KAZN: variants seen among roughly 807,000 people sequenced by gnomAD.
The protein encoded by KAZN is kazrin.
KAZN carries 40 observed loss-of-function variants against 87.4 expected under a neutral mutation model. The ratio of observed to expected loss-of-function variants is 0.46; its 90% CI spans 0.36 to 0.60. KAZN has a LOEUF of 0.60. KAZN is among the 20% of genes least tolerant of loss of function. The pLI is 0.00. For synonymous variants in KAZN, 466 were observed against 458.3 expected, an observed-to-expected ratio of 1.02 and a Z score of -0.22; for missense variants, 898 against 1,073.9, an observed-to-expected ratio of 0.84 and a Z score of 2.29.
chr1:14,745,355 G>A (rs532769782), intron 1 of KAZN, among the ~76,000 whole-genome samples: 9 of 151,916 alleles, frequency 5.9e-5, no homozygotes, highest in East Asian at 3.9e-4. Flanking sequence ...AAAATAGATA[G>A]GAATGATAGT....
intron 1 of KAZN, among the ~76,000 whole-genome samples, chr1:14,629,197 T>A (rs930084584): frequency 1.3e-5 from 2 of 152,112 alleles, no homozygotes; most frequent in Non-Finnish European, 2.9e-5. Flanking sequence ...AGGGGGAGGA[T>A]GGAGTGTCTT....
chr1:14,134,967 CCG>C (rs746983782), intron 1 of KAZN, among the ~76,000 whole-genome samples: 974 of 56,412 alleles, frequency 0.017, 9 homozygotes, highest in South Asian at 0.11. Context: ...GCATATGCAC[CCG>C]CACACACACA....
At chr1:14,481,799 A>C (rs1051843478) in intron 2 of KAZN, among the ~76,000 whole-genome samples, 1 of 152,132 alleles carries the variant, frequency 6.6e-6, no homozygotes, top group African/African-American at 2.4e-5. Context: ...AGAAGAGAGG[A>C]TGCTGGAGAT....
chr1:14,180,327 C>G, intron 1 of KAZN: 1 of 920,272 alleles, frequency 1.1e-6, no homozygotes, highest in Non-Finnish European at 1.6e-6. Flanking sequence ...ACATGCCTGG[C>G]TTAGACCTTG....
At position 14,381,743 on chromosome 1, in the gene KAZN, G is replaced by C. The variant is rs1661389069; in HGVS notation, c.249+201151G>C. Among the ~76,000 whole-genome samples, 3 of 152,130 alleles carry C rather than the reference G, an allele frequency of 2.0e-5. No individual in the cohort carries two copies. The South Asian group carries it at 6.2e-4, about 32-fold the overall frequency. The stretch of plus-strand genomic sequence containing the variant: ...CATGCTGAATGGGAAAAAACGGAAA[G>C]CCTTTTCTCTAAGATCAGGAACACA... On this transcript the variant is annotated intron_variant, in intron 2 of 16. Transcript: ENST00000636203.
intron 1 of KAZN, among the ~76,000 whole-genome samples, chr1:13,965,369 T>C (rs577314057): frequency 6.6e-6 from 1 of 152,216 alleles, no homozygotes; most frequent in East Asian, 1.9e-4. Context: ...TAGGGCTGTT[T>C]TGAGGCTTGA....
At chr1:14,284,261 G>A (rs750579332) in intron 2 of KAZN, among the ~76,000 whole-genome samples, 39 of 152,286 alleles carry the variant, frequency 2.6e-4, no homozygotes, top group Non-Finnish European at 5.3e-4. Flanking sequence ...TTTTAAGCAG[G>A]TGAATTGTAT....
At chr1:14,851,248 G>A (rs935505266) in intron 1 of KAZN, among the ~76,000 whole-genome samples, 5 of 152,122 alleles carry the variant, frequency 3.3e-5, no homozygotes, top group African/African-American at 1.2e-4. Context: ...TTATCACATT[G>A]AGCCTGGGCC....
chr1:15,000,378 A>ATT (rs1450717710), intron 2 of KAZN, among the ~76,000 whole-genome samples: 2 of 151,908 alleles, frequency 1.3e-5, no homozygotes, highest in Non-Finnish European at 2.9e-5. Flanking sequence ...CTATAAAATA[A>ATT]TACATCAGTG....
chr1:14,424,673 G>A (rs61771868), intron 2 of KAZN, among the ~76,000 whole-genome samples: 7,518 of 152,246 alleles, frequency 0.049, 241 homozygotes, highest in East Asian at 0.077. Context: ...TACCAGGAAG[G>A]GATTCTAGAT....
chr1:13,916,921 A>T (rs903133641), intron 1 of KAZN, among the ~76,000 whole-genome samples: 1 of 152,100 alleles, frequency 6.6e-6, no homozygotes, highest in Admixed American at 6.6e-5. Flanking sequence ...AACTCACAAG[A>T]CTTTGTACAC....
chr1:14,432,945 T>C (rs1666162188), intron 2 of KAZN, among the ~76,000 whole-genome samples: 1 of 152,190 alleles, frequency 6.6e-6, no homozygotes, highest in Non-Finnish European at 1.5e-5. Context: ...GGTGTATATG[T>C]GTGGCTGTGG....
intron 1 of KAZN, among the ~76,000 whole-genome samples, chr1:14,626,050 G>A (rs1679119103): frequency 6.6e-6 from 1 of 152,178 alleles, no homozygotes; most frequent in African/African-American, 2.4e-5. Flanking sequence ...TGAAAGAGCT[G>A]GCACAGCTCA....
intron 1 of KAZN, among the ~76,000 whole-genome samples, chr1:13,949,627 A>G (rs1266663715): frequency 6.6e-6 from 1 of 152,162 alleles, no homozygotes; most frequent in Non-Finnish European, 1.5e-5. Context: ...TGTGCCAAGC[A>G]GCGTCCTTAG....
chr1:13,933,480 A>C (rs1640607685), intron 1 of KAZN, among the ~76,000 whole-genome samples: 1 of 152,148 alleles, frequency 6.6e-6, no homozygotes. Flanking sequence ...CAACAAGAGC[A>C]AAACTCCGTC....
intron 1 of KAZN, among the ~76,000 whole-genome samples, chr1:14,145,184 T>TATTA (rs1645319577): frequency 6.6e-6 from 1 of 152,174 alleles, no homozygotes; most frequent in Non-Finnish European, 1.5e-5. Flanking sequence ...GGCTCACATC[T>TATTA]GTAATCCCAA....
chr1:14,005,574 G>A (rs1324919897), intron 1 of KAZN, among the ~76,000 whole-genome samples: 1 of 152,118 alleles, frequency 6.6e-6, no homozygotes, highest in East Asian at 1.9e-4. Flanking sequence ...AAAGGCGAGG[G>A]TTGAAGACAT....
At chr1:14,748,692 T>C (rs1398354310) in intron 1 of KAZN, among the ~76,000 whole-genome samples, 2 of 152,210 alleles carry the variant, frequency 1.3e-5, no homozygotes, top group Admixed American at 6.5e-5. Context: ...GAAATGGAGC[T>C]AATAATAGTT....
chr1:14,893,150 G>A (rs1265512179), intron 1 of KAZN, among the ~76,000 whole-genome samples: 1 of 152,072 alleles, frequency 6.6e-6, no homozygotes, highest in African/African-American at 2.4e-5. Context: ...GGTGGATCAT[G>A]AGGTCAGGAG....
Sources: allele counts gnomAD v4.1 joint callset (sites outside exome capture counted in the v4.1 genomes callset), GRCh38; gene constraint gnomAD v4.1.1; transcripts MANE v1.5; gene names NCBI Gene and HGNC (gene_info 2026-07-23, HGNC 2026-07-21).